FAM13A: variants seen among roughly 807,000 people sequenced by gnomAD.
FAM13A encodes the protein family with sequence similarity 13 member A.
A neutral mutation model predicts 129.6 loss-of-function variants in FAM13A; 76 were observed. The observed-to-expected ratio is 0.59, with a 90% confidence interval of 0.49 to 0.71. The LOEUF (loss-of-function observed/expected upper bound fraction) is 0.71, where lower values mean the gene tolerates loss of function less well. Ranked by LOEUF, FAM13A falls within the 30% of genes least tolerant of loss-of-function variation. The pLI is 0.00. For missense variants in FAM13A, 1,108 were observed against 1,249.3 expected (o/e 0.89, Z 1.70); for synonymous variants, 443 against 449.9 (o/e 0.98, Z 0.20).
At chr4:88,851,536 G>C (rs1481194954) in intron 6 of FAM13A, among the ~76,000 whole-genome samples, 2 of 151,958 alleles carry the variant, frequency 1.3e-5, no homozygotes, top group African/African-American at 4.8e-5. Flanking sequence ...AACTTGGATT[G>C]AAGGAAATAA....
At chr4:88,772,884 T>C (rs1449909912) in intron 11 of FAM13A, among the ~76,000 whole-genome samples, 2 of 152,226 alleles carry the variant, frequency 1.3e-5, no homozygotes, top group Non-Finnish European at 2.9e-5. Flanking sequence ...CTTCTTTCCT[T>C]ACTCAATAGT....
chr4:89,040,523 G>A (rs533318752), intron 1 of FAM13A, among the ~76,000 whole-genome samples: 19 of 152,280 alleles, frequency 1.2e-4, no homozygotes, highest in Non-Finnish European at 2.4e-4. Flanking sequence ...CTATTTTATA[G>A]AGACATAGAC....
chr4:88,896,544 C>T (rs1444311662), intron 6 of FAM13A, among the ~76,000 whole-genome samples: 1 of 152,198 alleles, frequency 6.6e-6, no homozygotes, highest in African/African-American at 2.4e-5. Flanking sequence ...TTACTTTGCA[C>T]AGGCATTTTT....
chr4:89,019,303 C>CCACATCTGGCA (rs1766930970), intron 3 of FAM13A, among the ~76,000 whole-genome samples: 1 of 152,196 alleles, frequency 6.6e-6, no homozygotes, highest in African/African-American at 2.4e-5. Flanking sequence ...CTTTAGGTAG[C>CCACATCTGGCA]ACCCTTAATC....
At chr4:88,740,155 C>T (rs1443421295) in intron 19 of FAM13A, among the ~76,000 whole-genome samples, 1 of 152,192 alleles carries the variant, frequency 6.6e-6, no homozygotes, top group African/African-American at 2.4e-5. Flanking sequence ...CCTCTTTGCT[C>T]TTTTGTTTGG....
chr4:89,025,470 T>C (rs1767853812), intron 2 of FAM13A, among the ~76,000 whole-genome samples: 1 of 151,176 alleles, frequency 6.6e-6, no homozygotes, highest in Non-Finnish European at 1.5e-5. Context: ...TTCACCTTGT[T>C]AGCCAGGATG....
At chr4:88,964,184 G>GTA (rs1338692891) in intron 4 of FAM13A, among the ~76,000 whole-genome samples, 1 of 152,142 alleles carries the variant, frequency 6.6e-6, no homozygotes, top group Non-Finnish European at 1.5e-5. Context: ...TTAACTTAAT[G>GTA]TATATGTAAA....
At chr4:88,750,786 G>C (rs909385700) in intron 14 of FAM13A, 149 bp from the exon 15 acceptor site, 3 of 621,598 alleles carry the variant, frequency 4.8e-6, no homozygotes, top group Non-Finnish European at 5.7e-6. Flanking sequence ...CCAGGCTAAG[G>C]ACACCGCGCC....
At chr4:88,969,595 A>G (rs1759805267) in intron 4 of FAM13A, among the ~76,000 whole-genome samples, 1 of 152,248 alleles carries the variant, frequency 6.6e-6, no homozygotes, top group Non-Finnish European at 1.5e-5. Context: ...GAACATGCCA[A>G]GCTTATCCTC....
chr4:88,730,329 TA>T (rs1218510694), intron 23 of FAM13A, among the ~76,000 whole-genome samples: 1 of 152,202 alleles, frequency 6.6e-6, no homozygotes, highest in Non-Finnish European at 1.5e-5. Flanking sequence ...CATGAAAGAC[TA>T]AATTGTGCCT....
chr4:88,798,129 C>G (rs1156602413), intron 8 of FAM13A, among the ~76,000 whole-genome samples: 1 of 152,160 alleles, frequency 6.6e-6, no homozygotes. Flanking sequence ...ATTTGAAGAG[C>G]CAGTATCTGA....
At chr4:88,928,133 GTA>G (rs1752492261) in intron 5 of FAM13A, among the ~76,000 whole-genome samples, 1 of 152,040 alleles carries the variant, frequency 6.6e-6, no homozygotes, top group East Asian at 1.9e-4. Context: ...CCATGTGTCT[GTA>G]TAGTTTCTGA....
At chr4:89,038,908 T>C (rs1177047842) in intron 1 of FAM13A, among the ~76,000 whole-genome samples, 2 of 152,182 alleles carry the variant, frequency 1.3e-5, no homozygotes, top group South Asian at 2.1e-4. Flanking sequence ...TATATACTCA[T>C]TGCAAAGAAA....
chr4:88,932,086 G>A (rs1316067201), intron 5 of FAM13A, among the ~76,000 whole-genome samples: 1 of 152,198 alleles, frequency 6.6e-6, no homozygotes. Flanking sequence ...TCCTGACACT[G>A]ACACTAAGTT....
intron 7 of FAM13A, among the ~76,000 whole-genome samples, chr4:88,835,396 C>T (rs771553201): frequency 8.7e-4 from 133 of 152,056 alleles, no homozygotes; most frequent in Non-Finnish European, 1.6e-3. Flanking sequence ...TCAGTTGTCA[C>T]TCTACATCAG....
intron 7 of FAM13A, among the ~76,000 whole-genome samples, chr4:88,848,322 G>C (rs186025459): frequency 6.6e-6 from 1 of 150,762 alleles, no homozygotes; most frequent in Admixed American, 6.8e-5. Context: ...GCTGGTCTCT[G>C]GATTCCCTCC....
At chr4:88,764,455 A>G (rs1364253608) in intron 13 of FAM13A, among the ~76,000 whole-genome samples, 1 of 152,206 alleles carries the variant, frequency 6.6e-6, no homozygotes, top group African/African-American at 2.4e-5. Context: ...TGGGTTTTAT[A>G]GAGAAGTATA....
chr4:88,969,472 G>T (rs1486769619), intron 4 of FAM13A, among the ~76,000 whole-genome samples: 1 of 152,162 alleles, frequency 6.6e-6, no homozygotes, highest in Non-Finnish European at 1.5e-5. Context: ...ACAGGTTCAG[G>T]TAGAAGGTCA....
At chr4:88,802,662 G>A (rs960479888) in intron 8 of FAM13A, among the ~76,000 whole-genome samples, 3 of 152,216 alleles carry the variant, frequency 2.0e-5, no homozygotes. Context: ...GACTGAAACG[G>A]CCTCTCTGGT....
Sources: allele counts gnomAD v4.1 joint callset (sites outside exome capture counted in the v4.1 genomes callset), GRCh38; gene constraint gnomAD v4.1.1; transcripts MANE v1.5; gene names NCBI Gene and HGNC (gene_info 2026-07-23, HGNC 2026-07-21).